SPEF2: variants seen among roughly 807,000 people sequenced by gnomAD.
SPEF2 encodes sperm flagellar and cilia associated 2.
A neutral mutation model predicts 224.6 loss-of-function variants in SPEF2; 187 were observed. The observed-to-expected ratio is 0.83, with a 90% confidence interval of 0.74 to 0.94. SPEF2 has a LOEUF of 0.94. Among genes scored for constraint, SPEF2 ranks in the 40% least tolerant of loss-of-function variants. The pLI is 0.00. For synonymous variants in SPEF2, 715 were observed against 707.3 expected (o/e 1.01, Z -0.17); for missense variants, 2,170 against 2,135.6 (o/e 1.02, Z -0.32).
intron 10 of SPEF2, among the ~76,000 whole-genome samples, chr5:35,688,118 A>T (rs1753921543): frequency 6.6e-6 from 1 of 152,208 alleles, no homozygotes; most frequent in Non-Finnish European, 1.5e-5. Context: ...GCAAAGTCTG[A>T]CAAGAAAATT....
At chr5:35,660,174 G>C (rs1749514784) in intron 8 of SPEF2, among the ~76,000 whole-genome samples, 1 of 152,016 alleles carries the variant, frequency 6.6e-6, no homozygotes, top group South Asian at 2.1e-4. Flanking sequence ...AAAAAAAATA[G>C]ATTGATTTTA....
chr5:35,724,805 T>C (rs1744357040), intron 20 of SPEF2, among the ~76,000 whole-genome samples: 1 of 152,088 alleles, frequency 6.6e-6, no homozygotes, highest in Non-Finnish European at 1.5e-5. Flanking sequence ...TAAATAAATA[T>C]GGAGTATTAT....
At chr5:35,764,804 C>T in intron 26 of SPEF2, 1 of 441,008 alleles carries the variant, frequency 2.3e-6, no homozygotes, top group Non-Finnish European at 4.5e-6. Flanking sequence ...TTCCTTTCTT[C>T]CTCCCTCTCT....
rs1418398660 is a variant in SPEF2 at position 35,692,736 on chromosome 5, T to G, written c.1899+12T>G. ...TTAAAGAAAGCCAGGCAAGTGTGAT[T>G]CTAGTTTTCTCTTCTGCGCCTAGTA... On this transcript the variant is annotated intron_variant, in intron 12 of 36. Transcript: ENST00000356031. The G allele has an allele frequency of 6.2e-7, 1 of 1,609,032 alleles. No homozygotes were observed. Among genetic ancestry groups the G allele is most frequent in the Admixed American group, 1.7e-5 (1 of 58,808 alleles).
rs115599644 is a variant in SPEF2, at chr5:35,688,667, T to A, written c.1525-2370T>A. Among the ~76,000 whole-genome samples, 1,206 of 152,274 alleles carry A rather than the reference T, an allele frequency of 7.9e-3. 29 individuals are homozygous for A. Among genetic ancestry groups the A allele is most frequent in the African/African-American group, 0.028 (1,151 of 41,552 alleles). On this transcript the variant is annotated intron_variant, in intron 10 of 36. Coordinates refer to ENST00000356031, the MANE Select transcript of SPEF2 (RefSeq NM_024867.4). The stretch of plus-strand genomic sequence containing the variant: ...ATGAGTACCTGTTCTGGGATCTGAC[T>A]GCCCGGGTTCCAATCTAGGTTTTAC...
At chr5:35,682,948 C>T (rs1486104195) in intron 10 of SPEF2, among the ~76,000 whole-genome samples, 3 of 152,130 alleles carry the variant, frequency 2.0e-5, no homozygotes, top group Admixed American at 6.5e-5. Flanking sequence ...AGTGGACACA[C>T]GGGAGCTTAA....
At chr5:35,639,706 G>A (rs1416936217) in intron 2 of SPEF2, among the ~76,000 whole-genome samples, 1 of 151,246 alleles carries the variant, frequency 6.6e-6, no homozygotes, top group Non-Finnish European at 1.5e-5. Context: ...ATTTCTCGGA[G>A]GGCAGCTACT....
intron 10 of SPEF2, among the ~76,000 whole-genome samples, chr5:35,688,151 A>T (rs909236551): frequency 2.0e-5 from 3 of 152,198 alleles, no homozygotes; most frequent in Non-Finnish European, 2.9e-5. Context: ...ACCACCCCAG[A>T]GCACTAGCAG....
At chr5:35,700,847 C>T (rs1453263536) in intron 16 of SPEF2, 95 bp downstream of exon 16, 6 of 1,266,284 alleles carry the variant, frequency 4.7e-6, no homozygotes, top group Admixed American at 2.2e-5. Flanking sequence ...TAAATGAGTA[C>T]AAAATAATCC....
At chr5:35,621,349 C>A (rs1384412942) in intron 1 of SPEF2, among the ~76,000 whole-genome samples, 1 of 151,650 alleles carries the variant, frequency 6.6e-6, no homozygotes, top group African/African-American at 2.4e-5. Flanking sequence ...TTAAAAACAA[C>A]CCTAAGAGGT....
intron 34 of SPEF2, among the ~76,000 whole-genome samples, chr5:35,803,035 T>C (rs912731299): frequency 6.6e-6 from 1 of 152,196 alleles, no homozygotes; most frequent in African/African-American, 2.4e-5. Context: ...GACACCTTGT[T>C]ACCCATCTTC....
In SPEF2 at chr5:35,644,493, A is replaced by T; in HGVS notation, c.553A>T (p.Lys185Ter). 1.2e-6 allele frequency: 2 copies of T among 1,603,012 alleles called. No individual in the cohort carries two copies. The highest frequency in any genetic ancestry group is 1.7e-4 in the Middle Eastern group (1 of 5,996). The change falls in exon 4 of 37, where the codon AAG becomes TAG. Residue 185 changes from lysine to a stop codon, truncating the protein, a stop_gained. Coordinates refer to ENST00000356031, the MANE Select transcript of SPEF2 (RefSeq NM_024867.4). LOFTEE classifies it high-confidence loss of function. Reference protein sequence around the residue: ...FEKLERFQKLKEEQRCFDIEK... With the variant: ...FEKLERFQKL Reference sequence around the variant, plus strand: ...GAAACTTGAAAGATTTCAAAAACTCAAGGAAGAGCAAAGATGTTTTGATAT... The same window carrying T: ...GAAACTTGAAAGATTTCAAAAACTCTAGGAAGAGCAAAGATGTTTTGATAT...
intron 20 of SPEF2, among the ~76,000 whole-genome samples, chr5:35,714,741 A>G (rs940632889): frequency 8.8e-5 from 13 of 148,368 alleles, no homozygotes; most frequent in Non-Finnish European, 1.5e-4. Flanking sequence ...CTGCTTCCCT[A>G]CTGCCCAAGT....
chr5:35,784,853 A>G (rs754813416), intron 30 of SPEF2, among the ~76,000 whole-genome samples: 5 of 152,096 alleles, frequency 3.3e-5, no homozygotes, highest in Non-Finnish European at 5.9e-5. Flanking sequence ...GGAAGAGGCT[A>G]TATGTGTGAG....
chr5:35,761,584 T>C (rs1476940646), intron 25 of SPEF2, among the ~76,000 whole-genome samples: 1 of 152,256 alleles, frequency 6.6e-6, no homozygotes, highest in South Asian at 2.1e-4. Context: ...GGCCCGTGTG[T>C]ACACAAGAAT....
chr5:35,664,194 G>A (rs775236458), intron 8 of SPEF2, among the ~76,000 whole-genome samples: 4 of 150,964 alleles, frequency 2.6e-5, no homozygotes, highest in Non-Finnish European at 4.4e-5. Context: ...ATGTATTTGT[G>A]TGGCTTTTTG....
chr5:35,645,891 T>C (rs560987660), intron 4 of SPEF2, among the ~76,000 whole-genome samples: 2 of 152,312 alleles, frequency 1.3e-5, no homozygotes, highest in African/African-American at 4.8e-5. Context: ...TTGTCTATAA[T>C]GTATGCCTTT....
chr5:35,774,726 G>A lies in SPEF2; in HGVS notation c.4078+705G>A, dbSNP rs571892746. ...ACAAAAATGTGGCATGGGGTATGCC[G>A]AGACACCTTTAACTACTCAGTGACT... On this transcript the variant is annotated intron_variant, in intron 28 of 36. Transcript: ENST00000356031. Among the ~76,000 whole-genome samples the A allele has an allele frequency of 1.1e-4, 16 of 152,248 alleles. No homozygotes were observed. In the East Asian group the frequency reaches 1.2e-3, roughly 11 times the overall value.
chr5:35,669,083 A>G (rs986878350), intron 9 of SPEF2, among the ~76,000 whole-genome samples: 2 of 151,862 alleles, frequency 1.3e-5, no homozygotes, highest in African/African-American at 4.8e-5. Context: ...ATCCCCTTCA[A>G]TCCCCAGCCA....
Sources: gnomAD v4.1 joint callset for allele counts (sites outside exome capture counted in the v4.1 genomes callset) on GRCh38, gnomAD v4.1.1 for gene constraint, MANE v1.5 for transcripts, NCBI Gene and HGNC (gene_info 2026-07-23, HGNC 2026-07-21) for gene names.